Variants in ABCA12 observed in about 807,000 individuals in gnomAD.
ABCA12 encodes the protein glucosylceramide transporter ABCA12.
A neutral mutation model predicts 293.5 loss-of-function variants in ABCA12; 156 were observed. That is an observed-to-expected ratio of 0.53 (90% CI 0.47 to 0.61). ABCA12 has a LOEUF of 0.61. ABCA12 is among the 20% of genes least tolerant of loss of function. ABCA12 has a pLI of 0.00. For missense variants in ABCA12, 2,797 were observed against 3,090.2 expected (o/e 0.91, Z 2.25); for synonymous variants, 1,063 against 1,108.0 (o/e 0.96, Z 0.81).
chr2:215,049,628 G>A lies in ABCA12; in HGVS notation c.691C>T (p.Gln231Ter). The change falls in exon 6 of 53, where the codon CAG (glutamine) becomes TAG (stop). Residue 231 changes from glutamine (Q) to a stop codon, truncating the protein, a stop_gained and splice_region_variant. Coordinates refer to ENST00000272895, the MANE Select transcript of ABCA12 (RefSeq NM_173076.3). LOFTEE classifies it high-confidence loss of function. ...GTGGATCAAAGATCTACACTCACCT[G>A]GGAGAACTGTTTGTTTAGTTCTTGG... ...SLQELNKQFS[Q>*]LSSDPNNQKI... The A allele has an allele frequency of 6.2e-7, 1 of 1,612,814 alleles. No homozygotes were observed. Among genetic ancestry groups the A allele is most frequent in the Non-Finnish European group, 8.5e-7 (1 of 1,179,112 alleles).
intron 1 of ABCA12, among the ~76,000 whole-genome samples, chr2:215,127,982 A>C (rs540149943): frequency 6.8e-4 from 104 of 152,116 alleles, no homozygotes; most frequent in Non-Finnish European, 1.2e-3. Context: ...CAGTTCTTGT[A>C]GTGGTGCTTT....
At chr2:215,121,200 G>A (rs894217398) in intron 1 of ABCA12, among the ~76,000 whole-genome samples, 1 of 152,186 alleles carries the variant, frequency 6.6e-6, no homozygotes, top group Non-Finnish European at 1.5e-5. Context: ...TGAACCCAGG[G>A]AGTCTGGCTA....
intron 1 of ABCA12, among the ~76,000 whole-genome samples, chr2:215,121,559 C>T (rs10199987): frequency 0.17 from 26,064 of 151,986 alleles, 2,618 homozygotes; most frequent in African/African-American, 0.25. Flanking sequence ...CCTTAGTTCC[C>T]ATGAGGAACC....
chr2:215,078,782 G>T (rs1225935103), intron 2 of ABCA12, among the ~76,000 whole-genome samples: 1 of 152,128 alleles, frequency 6.6e-6, no homozygotes, highest in East Asian at 1.9e-4. Context: ...ACAAATCCTA[G>T]TCACTCTATC....
At chr2:214,954,708 GCTT>G (rs1301105398) in intron 43 of ABCA12, among the ~76,000 whole-genome samples, 13 of 152,058 alleles carry the variant, frequency 8.5e-5, no homozygotes, top group African/African-American at 3.1e-4. Flanking sequence ...CACTGTTAGT[GCTT>G]CTCTTCTCAC....
intron 8 of ABCA12, among the ~76,000 whole-genome samples, chr2:215,035,245 C>G (rs1294727798): frequency 6.6e-6 from 1 of 152,194 alleles, no homozygotes; most frequent in African/African-American, 2.4e-5. Flanking sequence ...CATTGATATT[C>G]TTGGCTTGAT....
intron 2 of ABCA12, among the ~76,000 whole-genome samples, chr2:215,087,623 G>A (rs1702068690): frequency 6.6e-6 from 1 of 152,008 alleles, no homozygotes; most frequent in African/African-American, 2.4e-5. Flanking sequence ...ATAGAGTCAT[G>A]CACAGGGTAT....
chr2:215,119,734 T>TAAAAAAAAAAAAAAAAAAAAAAAAAAA, intron 1 of ABCA12, among the ~76,000 whole-genome samples: 1 of 75,608 alleles, frequency 1.3e-5, no homozygotes, highest in Non-Finnish European at 3.3e-5. Context: ...CATTAAAAAG[T>TAAAAAAAAAAAAAAAAAAAAAAAAAAA]AAAAAAAAAA....
chr2:215,069,370 T>G (rs934111234), intron 2 of ABCA12, among the ~76,000 whole-genome samples: 2 of 152,036 alleles, frequency 1.3e-5, no homozygotes, highest in African/African-American at 4.8e-5. Context: ...GAGAGAAGCA[T>G]ATCAAAAACA....
intron 2 of ABCA12, among the ~76,000 whole-genome samples, chr2:215,104,209 A>G (rs1464891094): frequency 1.3e-5 from 2 of 152,198 alleles, no homozygotes; most frequent in South Asian, 2.1e-4. Flanking sequence ...GGTAGACTAC[A>G]CAATGTGGGG....
chr2:215,134,577 A>ATCTC (rs370388681), intron 1 of ABCA12, among the ~76,000 whole-genome samples: 1,327 of 76,818 alleles, frequency 0.017, 64 homozygotes, highest in Middle Eastern at 0.035. Flanking sequence ...TATATATATA[A>ATCTC]TCTCTCTCTC....
rs1699788190 is a variant in ABCA12, at chr2:214,986,431, T to A, written c.4163+111A>T. 2.8e-6 allele frequency: 3 copies of A among 1,084,238 alleles called. No individual in the cohort carries two copies. In the East Asian group the frequency reaches 7.7e-5, roughly 28 times the overall value. The allele number at this position is 1,084,238 out of a possible 1,614,324, so 67.2% of individuals were successfully genotyped here. A position where few individuals can be genotyped will look rare whatever the true frequency, so the allele number is the denominator to read the frequency against. ...ACAAGTTGAACCATCTTCCTCCATC[T>A]GGGAAATGTAATAACTTTATGTTTT... On this transcript the variant is annotated intron_variant, in intron 28 of 52. Coordinates refer to ENST00000272895, the MANE Select transcript of ABCA12 (RefSeq NM_173076.3).
At chr2:215,135,251 G>A (rs1436449648) in intron 1 of ABCA12, among the ~76,000 whole-genome samples, 3 of 152,132 alleles carry the variant, frequency 2.0e-5, no homozygotes, top group Non-Finnish European at 4.4e-5. Context: ...GAGCCACTGC[G>A]CCCAGCCCCA....
chr2:215,032,263 T>G (rs1246023406), intron 8 of ABCA12: 9 of 369,562 alleles, frequency 2.4e-5, no homozygotes, highest in African/African-American at 2.0e-4. Flanking sequence ...TGAAGCCAAT[T>G]TTAGTCTTAT....
At chr2:215,111,168 C>A (rs1168938395) in intron 2 of ABCA12, among the ~76,000 whole-genome samples, 2 of 152,210 alleles carry the variant, frequency 1.3e-5, no homozygotes, top group Admixed American at 6.5e-5. Context: ...ACTCAAATAT[C>A]AGCCCTAAAG....
At chr2:215,109,652 A>C (rs1220955398) in intron 2 of ABCA12, among the ~76,000 whole-genome samples, 1 of 152,198 alleles carries the variant, frequency 6.6e-6, no homozygotes, top group Non-Finnish European at 1.5e-5. Flanking sequence ...TAGGCCTAAG[A>C]GGCACATATC....
At chr2:214,938,753 G>T (rs1698303336) in intron 50 of ABCA12, among the ~76,000 whole-genome samples, 1 of 152,168 alleles carries the variant, frequency 6.6e-6, no homozygotes, top group Non-Finnish European at 1.5e-5. Context: ...CAGCATAAAT[G>T]TCTTCTTTTG....
At chr2:215,009,951 G>A (rs1314800871) in intron 18 of ABCA12, among the ~76,000 whole-genome samples, 2 of 152,130 alleles carry the variant, frequency 1.3e-5, no homozygotes, top group Non-Finnish European at 2.9e-5. Flanking sequence ...GATTGTTTTT[G>A]TTCCAACTAG....
chr2:215,085,155 A>ATGATTGAT (rs1702015264), intron 2 of ABCA12, among the ~76,000 whole-genome samples: 1 of 152,102 alleles, frequency 6.6e-6, no homozygotes, highest in African/African-American at 2.4e-5. Flanking sequence ...AAATGAGTGA[A>ATGATTGAT]TGATTGATAC....
Sources: allele counts gnomAD v4.1 joint callset (sites outside exome capture counted in the v4.1 genomes callset), GRCh38; gene constraint gnomAD v4.1.1; transcripts MANE v1.5; gene names NCBI Gene and HGNC (gene_info 2026-07-23, HGNC 2026-07-21).